Variants in RP1 observed in about 807,000 individuals in gnomAD.
The protein encoded by RP1 is RP1 axonemal microtubule associated.
RP1 carries 16 observed loss-of-function variants against 14.8 expected under a neutral mutation model. That is an observed-to-expected ratio of 1.08 (90% confidence interval 0.73 to 1.65). The LOEUF is 1.65. Ranked by LOEUF, RP1 falls within the 40% of genes most tolerant of loss-of-function variation. RP1 has a pLI of 0.00. For missense variants in RP1, 2,631 were observed against 2,535.0 expected (o/e 1.04, Z -0.81); for synonymous variants, 876 against 883.6 (o/e 0.99, Z 0.15).
chr8:54,679,809 T>C, exon 12 of RP1: 4 of 1,535,814 alleles, frequency 2.6e-6, no homozygotes, highest in South Asian at 1.2e-5. Flanking sequence ...TTTAGTGGAC[T>C]GCAGAAAGCT....
chr8:54,648,890 A>G (rs748985627), intron 3 of RP1: 23 of 823,788 alleles, frequency 2.8e-5, no homozygotes, highest in South Asian at 9.7e-5. Flanking sequence ...AGTTTTGTCT[A>G]TCCTGAACTC....
intron 25 of RP1, among the ~76,000 whole-genome samples, chr8:54,843,911 G>C (rs767576809): frequency 3.9e-5 from 6 of 152,316 alleles, no homozygotes; most frequent in South Asian, 4.1e-4. Flanking sequence ...TAAGACTAAG[G>C]GACTAGGGAA....
chr8:54,623,380 G>GA lies in RP1; in HGVS notation c.787+1098dup, dbSNP rs755870428. ...TTAAGTAAAAGCATATCAAAAATAA[G>GA]AAAAAATATTTCTAGGTTTATACTC... On this transcript the variant is annotated intron_variant, in intron 3 of 3. Transcript: ENST00000220676. Among the ~76,000 whole-genome samples the GA allele has an allele frequency of 4.0e-5, 6 of 151,888 alleles. No individual in the cohort carries two copies. The East Asian group carries it at 9.7e-4, about 24-fold the overall frequency.
At chr8:54,805,492 G>GACTT (rs1348010343) in intron 24 of RP1, among the ~76,000 whole-genome samples, 1 of 152,094 alleles carries the variant, frequency 6.6e-6, no homozygotes, top group Admixed American at 6.5e-5. Flanking sequence ...TCACACCCAT[G>GACTT]ACTTGAATCC....
rs1308308472 is a variant in RP1, at chr8:54,853,906, AAG to A, written c.3990+1182_3990+1183del. 2.3e-4 allele frequency among the ~76,000 whole-genome samples: 35 copies of A among 150,814 alleles called. No individual in the cohort carries two copies. In the East Asian group the frequency reaches 2.3e-3, roughly 10 times the overall value. ...GAAAAAAAGAAAAAAGAAGGAAAGA[AAG>A]AGAAAAAAGAAAAAAGGGAGAGAGA... On this transcript the variant is annotated intron_variant, in intron 26 of 28. Coordinates refer to the RP1 transcript ENST00000637698.
intron 12 of RP1, among the ~76,000 whole-genome samples, chr8:54,685,108 A>G (rs1415157764): frequency 1.3e-5 from 2 of 152,110 alleles, no homozygotes; most frequent in African/African-American, 2.4e-5. Context: ...TCAAAAAACC[A>G]GCTCCTGGAT....
chr8:54,727,830 T>A (rs910746548), intron 17 of RP1, among the ~76,000 whole-genome samples: 1 of 151,540 alleles, frequency 6.6e-6, no homozygotes, highest in Non-Finnish European at 1.5e-5. Context: ...ACCTGATAAT[T>A]GAGATGAAGG....
At chr8:54,851,631 G>T (rs1812062932) in intron 25 of RP1, among the ~76,000 whole-genome samples, 1 of 152,264 alleles carries the variant, frequency 6.6e-6, no homozygotes, top group Non-Finnish European at 1.5e-5. Flanking sequence ...CTAATTTTCT[G>T]CTTACACTCA....
At chr8:54,710,146 A>G (rs941400945) in intron 15 of RP1, among the ~76,000 whole-genome samples, 6 of 152,184 alleles carry the variant, frequency 3.9e-5, no homozygotes, top group African/African-American at 1.4e-4. Flanking sequence ...ATGGCTATTC[A>G]TCATCCAATA....
At chr8:54,719,621 G>A (rs772637006) in intron 15 of RP1, among the ~76,000 whole-genome samples, 19 of 152,112 alleles carry the variant, frequency 1.2e-4, no homozygotes, top group Non-Finnish European at 2.5e-4. Flanking sequence ...CTAGGCATTC[G>A]ATTCTTGAAT....
chr8:54,731,531 A>C (rs1237084339), intron 17 of RP1, among the ~76,000 whole-genome samples: 2 of 152,164 alleles, frequency 1.3e-5, no homozygotes, highest in East Asian at 1.9e-4. Context: ...ATGGTATTAC[A>C]TGGTGTTCAT....
intron 7 of RP1, chr8:54,663,894 A>G: frequency 6.9e-7 from 1 of 1,452,812 alleles, no homozygotes; most frequent in Non-Finnish European, 9.1e-7. Context: ...AATCATGGTA[A>G]AAACACATAA....
intron 12 of RP1, chr8:54,696,676 CA>C: frequency 1.4e-5 from 11 of 781,134 alleles, no homozygotes; most frequent in Middle Eastern, 2.4e-4. Context: ...TTGTACGCAT[CA>C]AAAGGATTGA....
Position 54,842,227 on chromosome 8 carries a change from T to A in RP1, c.3835+4558T>A, listed in dbSNP as rs990440022. On this transcript the variant is annotated intron_variant, in intron 25 of 28. Transcript: ENST00000637698. ...AGAACTATAGCTCAGATACACAGCATCTGGCGGCAAATCTAGGTCTCCATC... is the reference window on the plus strand; with the variant it reads ...AGAACTATAGCTCAGATACACAGCAACTGGCGGCAAATCTAGGTCTCCATC... Among the ~76,000 whole-genome samples the A allele has an allele frequency of 8.3e-4, 127 of 152,194 alleles. 2 individuals are homozygous for A. Among genetic ancestry groups the A allele is most frequent in the Non-Finnish European group, 1.6e-4 (11 of 68,036 alleles).
At chr8:54,696,713 A>G in intron 12 of RP1, 1 of 718,996 alleles carries the variant, frequency 1.4e-6, no homozygotes, top group Admixed American at 1.9e-5. Flanking sequence ...GGTGCAGAGA[A>G]CCACTTCAAG....
intron 4 of RP1, among the ~76,000 whole-genome samples, chr8:54,652,101 G>A (rs909964125): frequency 2.6e-5 from 4 of 151,220 alleles, no homozygotes; most frequent in African/African-American, 9.7e-5. Context: ...TCTGCCTCCC[G>A]AGTTCAAGCA....
In RP1 at chr8:54,628,185, A is replaced by G. The variant is rs989859876; in HGVS notation, c.4303A>G (p.Thr1435Ala). The G allele has an allele frequency of 9.9e-6, 16 of 1,614,030 alleles. No homozygotes were observed. The highest frequency in any genetic ancestry group is 1.4e-5 in the Non-Finnish European group (16 of 1,179,920). ...LRKFQDENAY[T>A]SFDMEEPRTS... Reference sequence around the variant, plus strand: ...GAAGTTTCAGGATGAAAATGCATATACTTCCTTTGATATGGAAGAACCACG... The same window carrying G: ...GAAGTTTCAGGATGAAAATGCATATGCTTCCTTTGATATGGAAGAACCACG... Residue 1435 changes from threonine to alanine, a missense_variant, in exon 4 of 4, where the codon ACT (threonine) becomes GCT (alanine). Physicochemically the swap from Thr to Ala is moderately conservative, Grantham distance 58. Transcript: ENST00000220676.
intron 1 of RP1, among the ~76,000 whole-genome samples, chr8:54,602,856 T>G (rs1448124856): frequency 6.6e-6 from 1 of 152,238 alleles, no homozygotes; most frequent in African/African-American, 2.4e-5. Flanking sequence ...TGTCTGTTCA[T>G]ATCCTTTGCC....
intron 18 of RP1, among the ~76,000 whole-genome samples, chr8:54,735,864 G>A (rs1280688720): frequency 1.3e-5 from 2 of 152,102 alleles, no homozygotes; most frequent in Non-Finnish European, 2.9e-5. Context: ...GTATTTATAT[G>A]CTGATAAATC....
Sources: gnomAD v4.1 joint callset for allele counts (sites outside exome capture counted in the v4.1 genomes callset) on GRCh38, gnomAD v4.1.1 for gene constraint, MANE v1.5 for transcripts, NCBI Gene and HGNC (gene_info 2026-07-23, HGNC 2026-07-21) for gene names.